The following GNA12 variants were observed in gnomAD, a reference collection of about 807,000 sequenced individuals.
The protein encoded by GNA12 is G protein subunit alpha 12, also known as guanine nucleotide-binding protein subunit alpha-12.
A neutral mutation model predicts 26.0 loss-of-function variants in GNA12; 9 were observed. The observed-to-expected ratio is 0.35, with a 90% CI of 0.21 to 0.60. GNA12 has a LOEUF of 0.60. Among genes scored for constraint, GNA12 ranks in the 20% least tolerant of loss-of-function variants. The pLI, the probability that GNA12 is intolerant of heterozygous loss-of-function variation, is 0.78. For synonymous variants in GNA12, 264 were observed against 219.6 expected (o/e 1.20, Z -1.79); for missense variants, 405 against 525.8 (o/e 0.77, Z 2.25).
At chr7:2,843,558 T>C (rs1406832366) in intron 1 of GNA12, among the ~76,000 whole-genome samples, 2 of 150,606 alleles carry the variant, frequency 1.3e-5, no homozygotes, top group South Asian at 2.1e-4. Flanking sequence ...AAGGAGGGAG[T>C]AGGGCTTGAG....
At position 2,728,791 on chromosome 7, in the gene GNA12, C is replaced by T. The variant is rs974124729; in HGVS notation, c.*2390G>A. 1 of 152,298 alleles carries T rather than the reference C, an allele frequency of 6.6e-6. No homozygotes were observed. The highest frequency in any genetic ancestry group is 2.4e-5 in the African/African-American group (1 of 41,422). 9.4% of individuals were successfully genotyped at this position (152,298 alleles called of 1,614,324 possible). ...CTTCTTCTCCAATTACAATGTGTTA[C>T]AGAATTTGGAAGGGGGTGTCTTTAA... is the stretch of plus-strand genomic sequence containing the variant. On this transcript the variant is annotated 3_prime_UTR_variant, in exon 4 of 4. Transcript: ENST00000275364.
intron 1 of GNA12, among the ~76,000 whole-genome samples, chr7:2,804,374 T>C (rs1300570072): frequency 6.6e-6 from 1 of 152,178 alleles, no homozygotes; most frequent in East Asian, 1.9e-4. Flanking sequence ...TGTGTGTGTA[T>C]GCGTAAACCC....
chr7:2,785,270 C>A (rs1792330357), intron 2 of GNA12, among the ~76,000 whole-genome samples: 1 of 152,168 alleles, frequency 6.6e-6, no homozygotes, highest in African/African-American at 2.4e-5. Flanking sequence ...ATGAGACTAC[C>A]CAGGCTACTC....
intron 2 of GNA12, among the ~76,000 whole-genome samples, chr7:2,742,480 T>C (rs145098061): frequency 9.2e-5 from 14 of 152,230 alleles, no homozygotes; most frequent in Non-Finnish European, 1.8e-4. Flanking sequence ...GCCCTGCTCC[T>C]GTTTATCTCA....
rs1258803239 is a variant in GNA12 at position 2,768,038 on chromosome 7, A to T, written c.525+26890T>A. On this transcript the variant is annotated intron_variant, in intron 2 of 3. Transcript: ENST00000275364. The stretch of plus-strand genomic sequence containing the variant: ...CCTGGCTAATTTTTTTATTTTTAGT[A>T]GAGACAGGGTTTCACCATATTGGTC... Among the ~76,000 whole-genome samples, 3 of 152,194 alleles carry T rather than the reference A, an allele frequency of 2.0e-5. No individual in the cohort carries two copies. The East Asian group carries it at 5.8e-4, about 29-fold the overall frequency.
intron 2 of GNA12, among the ~76,000 whole-genome samples, chr7:2,780,078 ATATATATATATATAT>A (rs1562424199): frequency 6.6e-5 from 7 of 106,590 alleles, no homozygotes; most frequent in African/African-American, 1.6e-4. Context: ...ATATATATAT[ATATATATATATATAT>A]GCCTGTTTTC....
At chr7:2,843,462 C>T in intron 1 of GNA12, among the ~76,000 whole-genome samples, 1 of 152,056 alleles carries the variant, frequency 6.6e-6, no homozygotes, top group Admixed American at 6.5e-5. Flanking sequence ...CTGGGCAACA[C>T]AGCAAGACCC....
chr7:2,829,244 G>A (rs1793549145), intron 1 of GNA12, among the ~76,000 whole-genome samples: 1 of 152,144 alleles, frequency 6.6e-6, no homozygotes, highest in Admixed American at 6.5e-5. Context: ...AGGCACACAG[G>A]AGGAGAAAGC....
chr7:2,794,899 G>C (rs1792618832), intron 2 of GNA12, 29 bp downstream of exon 2: 1 of 1,482,302 alleles, frequency 6.7e-7, no homozygotes, highest in Non-Finnish European at 9.4e-7. Flanking sequence ...ACACTATCAG[G>C]TGCCCAGCAA....
At chr7:2,833,551 C>T (rs1053501409) in intron 1 of GNA12, among the ~76,000 whole-genome samples, 1 of 152,194 alleles carries the variant, frequency 6.6e-6, no homozygotes, top group Non-Finnish European at 1.5e-5. Context: ...CAAGACCAAT[C>T]ACTCATGTGT....
chr7:2,731,985 G>T lies in GNA12; in HGVS notation c.577-235C>A, dbSNP rs925779800. ...TCACCAGTCTGAGGACGAATGCTCA[G>T]AACACTCGTGGGCAGGCCCAGCGCA... is the stretch of plus-strand genomic sequence containing the variant. On this transcript the variant is annotated intron_variant, in intron 3 of 3. Coordinates refer to ENST00000275364, the MANE Select transcript of GNA12 (RefSeq NM_007353.3). The surrounding 1 kb of genome is among the most constrained non-coding windows in gnomAD (Gnocchi z 6.0). Among the ~76,000 whole-genome samples the T allele has an allele frequency of 6.6e-5, 10 of 152,304 alleles. No homozygotes were observed. Among genetic ancestry groups the T allele is most frequent in the Non-Finnish European group, 7.4e-5 (5 of 68,020 alleles).
At chr7:2,778,335 A>G (rs894744610) in intron 2 of GNA12, among the ~76,000 whole-genome samples, 4 of 152,240 alleles carry the variant, frequency 2.6e-5, no homozygotes, top group Non-Finnish European at 5.9e-5. Context: ...TCACAAGAGC[A>G]GGCTGGCTTC....
intron 1 of GNA12, among the ~76,000 whole-genome samples, chr7:2,828,700 TC>T (rs1461037117): frequency 6.6e-6 from 1 of 152,150 alleles, no homozygotes; most frequent in Non-Finnish European, 1.5e-5. Context: ...TAGCAGGTGG[TC>T]AAAGAAATAA....
At chr7:2,774,291 G>A (rs1792021986) in intron 2 of GNA12, among the ~76,000 whole-genome samples, 1 of 152,182 alleles carries the variant, frequency 6.6e-6, no homozygotes, top group African/African-American at 2.4e-5. Context: ...GTATATATAT[G>A]TAATTCTCCA....
chr7:2,771,100 G>A (rs895440573), intron 2 of GNA12, among the ~76,000 whole-genome samples: 1 of 152,134 alleles, frequency 6.6e-6, no homozygotes, highest in African/African-American at 2.4e-5. Flanking sequence ...AGACCAGCCT[G>A]ACCAACATGG....
intron 2 of GNA12, among the ~76,000 whole-genome samples, chr7:2,769,291 G>A (rs557548647): frequency 2.9e-4 from 44 of 152,238 alleles, no homozygotes; most frequent in Middle Eastern, 3.4e-3. Flanking sequence ...AGGTATTTAC[G>A]TAGTTTTAAT....
chr7:2,833,928 CA>C (rs200328213), intron 1 of GNA12, among the ~76,000 whole-genome samples: 18 of 150,126 alleles, frequency 1.2e-4, no homozygotes, highest in Admixed American at 9.3e-4. Flanking sequence ...AACAATTCTT[CA>C]AAAAAAAAAT....
intron 1 of GNA12, chr7:2,815,278 C>T (rs983065123): frequency 7.2e-5 from 16 of 222,306 alleles, no homozygotes; most frequent in African/African-American, 2.3e-4. Context: ...TTGGGGAAGG[C>T]GGCTCAGGAG....
At chr7:2,839,098 A>G (rs1194235074) in intron 1 of GNA12, among the ~76,000 whole-genome samples, 1 of 152,374 alleles carries the variant, frequency 6.6e-6, no homozygotes, top group East Asian at 1.9e-4. Flanking sequence ...AAAAGACCAC[A>G]GAACATCTGC....
Sources: gnomAD v4.1 joint callset for allele counts (sites outside exome capture counted in the v4.1 genomes callset) on GRCh38, gnomAD v4.1.1 for gene constraint, Gnocchi (gnomAD v3.1) non-coding constraint, MANE v1.5 for transcripts, NCBI Gene and HGNC (gene_info 2026-07-23, HGNC 2026-07-21) for gene names.